The following CADPS2 variants were observed in gnomAD, a reference collection of about 807,000 sequenced individuals.
CADPS2 encodes the protein calcium dependent secretion activator 2, also known as calcium-dependent secretion activator 2.
A neutral mutation model predicts 172.5 loss-of-function variants in CADPS2; 93 were observed. The ratio of observed to expected loss-of-function variants is 0.54; its 90% CI spans 0.46 to 0.64. The LOEUF (loss-of-function observed/expected upper bound fraction) is 0.64. CADPS2 is among the 30% of genes least tolerant of loss of function. The probability of loss-of-function intolerance (pLI) is 0.00; values close to 1 mark genes in which losing one functional copy is unlikely to be tolerated. For synonymous variants in CADPS2, 546 were observed against 555.2 expected, an observed-to-expected ratio of 0.98 and a Z score of 0.23; for missense variants, 1,420 against 1,565.9, an observed-to-expected ratio of 0.91 and a Z score of 1.57.
chr7:122,523,578 CAACA>C (rs1223498339), intron 8 of CADPS2, among the ~76,000 whole-genome samples: 3 of 151,768 alleles, frequency 2.0e-5, no homozygotes, highest in African/African-American at 7.3e-5. Flanking sequence ...AAAAATCAAC[CAACA>C]AATTGTATAT....
intron 1 of CADPS2, among the ~76,000 whole-genome samples, chr7:122,766,820 C>A (rs1006100079): frequency 6.6e-6 from 1 of 152,120 alleles, no homozygotes; most frequent in African/African-American, 2.4e-5. Context: ...CTCTGTTTGG[C>A]AGAACTGATA....
chr7:122,613,676 G>GTT (rs1270924768), intron 6 of CADPS2, among the ~76,000 whole-genome samples: 4 of 145,838 alleles, frequency 2.7e-5, no homozygotes, highest in African/African-American at 5.0e-5. Context: ...AAAGGGTACA[G>GTT]TTTTTTTTTT....
chr7:122,756,968 A>C (rs1439651935), intron 1 of CADPS2, among the ~76,000 whole-genome samples: 1 of 152,114 alleles, frequency 6.6e-6, no homozygotes, highest in African/African-American at 2.4e-5. Flanking sequence ...CATATCTTTA[A>C]GTGCAGTATG....
At chr7:122,701,626 A>G in intron 2 of CADPS2, 1 of 378,530 alleles carries the variant, frequency 2.6e-6, no homozygotes, top group Non-Finnish European at 4.7e-6. Flanking sequence ...TCACCTAAAA[A>G]AACAATTAAA....
At chr7:122,565,232 A>T (rs201546521) in intron 7 of CADPS2, among the ~76,000 whole-genome samples, 3 of 108,260 alleles carry the variant, frequency 2.8e-5, no homozygotes, top group Admixed American at 1.7e-4. Context: ...TTATAGAATT[A>T]AAAAAAAAAA....
intron 3 of CADPS2, among the ~76,000 whole-genome samples, chr7:122,648,834 A>G (rs892807321): frequency 6.6e-6 from 1 of 152,218 alleles, no homozygotes; most frequent in Non-Finnish European, 1.5e-5. Context: ...TAAGAACTTC[A>G]TAGGCAACAC....
intron 7 of CADPS2, among the ~76,000 whole-genome samples, chr7:122,560,241 T>A (rs6969495): frequency 8.0e-4 from 121 of 152,140 alleles, no homozygotes; most frequent in African/African-American, 2.8e-3. Context: ...GACAGGTAGG[T>A]TGAAGGAGAT....
At position 122,662,394 on chromosome 7, in the gene CADPS2, TTA is replaced by T. The variant is rs201845842; in HGVS notation, c.786+841_786+842del. ...TCCCTGCTTTTTTTTTTTTTTTTTT[TTA>T]AGACGAGTCTTACTTTGTCACCAGG... On this transcript the variant is annotated intron_variant, in intron 3 of 29. Transcript: ENST00000449022. 3.7e-3 allele frequency among the ~76,000 whole-genome samples: 428 copies of T among 116,302 alleles called. 9 individuals carry two copies. Among genetic ancestry groups the T allele is most frequent in the East Asian group, 0.024 (97 of 4,108 alleles). The allele number at this position is 116,302 out of a possible 152,430, so 76.3% of individuals were successfully genotyped here.
chr7:122,502,576 A>G (rs2059290076), intron 9 of CADPS2, among the ~76,000 whole-genome samples: 1 of 152,046 alleles, frequency 6.6e-6, no homozygotes, highest in African/African-American at 2.4e-5. Flanking sequence ...AACCTGTTTT[A>G]TTGTTCCATT....
intron 3 of CADPS2, among the ~76,000 whole-genome samples, chr7:122,652,892 C>T (rs2079324871): frequency 6.6e-6 from 1 of 152,010 alleles, no homozygotes; most frequent in African/African-American, 2.4e-5. Context: ...TATGTGCTAT[C>T]TTCTATCTTA....
intron 1 of CADPS2, among the ~76,000 whole-genome samples, chr7:122,781,603 CATAA>C (rs961697724): frequency 6.6e-5 from 10 of 152,158 alleles, no homozygotes; most frequent in Non-Finnish European, 1.3e-4. Flanking sequence ...ATGCAACACT[CATAA>C]ATAATGTATC....
At chr7:122,661,759 T>C (rs867140514) in intron 3 of CADPS2, among the ~76,000 whole-genome samples, 2 of 152,188 alleles carry the variant, frequency 1.3e-5, no homozygotes, top group African/African-American at 4.8e-5. Context: ...GATTCCCTAA[T>C]ACCTACAGAG....
intron 2 of CADPS2, among the ~76,000 whole-genome samples, chr7:122,669,722 A>G (rs1174110754): frequency 1.3e-5 from 2 of 152,024 alleles, no homozygotes; most frequent in Non-Finnish European, 2.9e-5. Context: ...CACATCACAC[A>G]TACTCTGAAG....
At chr7:122,530,416 AC>A (rs1198875993) in intron 8 of CADPS2, among the ~76,000 whole-genome samples, 1 of 151,762 alleles carries the variant, frequency 6.6e-6, no homozygotes, top group Non-Finnish European at 1.5e-5. Context: ...AGACTATGTT[AC>A]ATTAGGAAAT....
chr7:122,744,583 A>C (rs2138118701), intron 1 of CADPS2, among the ~76,000 whole-genome samples: 1 of 152,330 alleles, frequency 6.6e-6, no homozygotes, highest in South Asian at 2.1e-4. Context: ...TTGAAAACAA[A>C]GTTATTTTGG....
At chr7:122,545,352 C>T (rs997693233) in intron 8 of CADPS2, among the ~76,000 whole-genome samples, 3 of 151,982 alleles carry the variant, frequency 2.0e-5, no homozygotes, top group South Asian at 4.1e-4. Context: ...ACTAGAGTGG[C>T]AGGATTTGGT....
At chr7:122,671,104 G>C (rs1478243474) in intron 2 of CADPS2, among the ~76,000 whole-genome samples, 2 of 152,080 alleles carry the variant, frequency 1.3e-5, no homozygotes, top group Non-Finnish European at 2.9e-5. Flanking sequence ...CGCTGTTACA[G>C]GACCTTTTCT....
chr7:122,540,082 G>A (rs34614200), intron 8 of CADPS2, among the ~76,000 whole-genome samples: 2,707 of 151,958 alleles, frequency 0.018, 68 homozygotes, highest in Non-Finnish European at 0.022. Flanking sequence ...TTTTAGCTGC[G>A]TATTTGAGAT....
intron 6 of CADPS2, among the ~76,000 whole-genome samples, chr7:122,590,793 T>C (rs1187570806): frequency 6.6e-6 from 1 of 151,866 alleles, no homozygotes; most frequent in African/African-American, 2.4e-5. Flanking sequence ...TTCACTGCAA[T>C]ACAAAATTCA....
Sources: gnomAD v4.1 joint callset for allele counts (sites outside exome capture counted in the v4.1 genomes callset) on GRCh38, gnomAD v4.1.1 for gene constraint, MANE v1.5 for transcripts, NCBI Gene and HGNC (gene_info 2026-07-23, HGNC 2026-07-21) for gene names.